The following TGM4 variants were observed in gnomAD, a reference collection of about 807,000 sequenced individuals.
TGM4 encodes the protein transglutaminase 4, also known as protein-glutamine gamma-glutamyltransferase 4.
In TGM4, 61 loss-of-function variants were observed where a neutral mutation model predicts 76.3. That is an observed-to-expected ratio of 0.80 (90% CI 0.65 to 0.99). TGM4 has a LOEUF of 0.99. Ranked by LOEUF, TGM4 falls within the 50% of genes least tolerant of loss-of-function variation. The pLI is 0.00. For missense variants in TGM4, 794 were observed against 843.2 expected (o/e 0.94, Z 0.72); for synonymous variants, 337 against 329.8 (o/e 1.02, Z -0.24).
At chr3:44,875,498 A>G (rs559703795) in intron 1 of TGM4, among the ~76,000 whole-genome samples, 1 of 152,236 alleles carries the variant, frequency 6.6e-6, no homozygotes, top group South Asian at 2.1e-4. Context: ...GTCATGTGCC[A>G]GGCTCTGTGT....
chr3:44,881,001 T>C (rs1461104511), intron 1 of TGM4, among the ~76,000 whole-genome samples: 3 of 152,122 alleles, frequency 2.0e-5, no homozygotes, highest in African/African-American at 7.2e-5. Context: ...GAGGATCGCT[T>C]GAATTCAGGA....
chr3:44,893,830 C>T, intron 5 of TGM4, 135 bp downstream of exon 5: 1 of 836,622 alleles, frequency 1.2e-6, no homozygotes, highest in East Asian at 2.4e-5. Flanking sequence ...ACATGTAAAA[C>T]TTGGCCATAG....
chr3:44,903,965 A>C lies in TGM4; in HGVS notation c.1053A>C (p.Ala351=). 1 of 1,614,086 alleles carries C rather than the reference A, an allele frequency of 6.2e-7. No individual in the cohort carries two copies. Among genetic ancestry groups the C allele is most frequent in the Non-Finnish European group, 8.5e-7 (1 of 1,180,030 alleles). Residue 351 remains alanine (A), a synonymous_variant, in exon 9 of 14, where the codon GCA becomes GCC. Coordinates refer to ENST00000296125, the MANE Select transcript of TGM4 (RefSeq NM_003241.4). ...ACGACGGCTGGCAGGCTGTGGACGC[A>C]ACGCCGCAGGAGCGAAGCCAGGGTG... ...KGYDGWQAVD[A]TPQERSQGVF... is the part of the protein sequence containing the mutation.
intron 8 of TGM4, chr3:44,903,669 C>CGGGG (rs1330174692): frequency 4.1e-4 from 233 of 573,118 alleles, no homozygotes; most frequent in Non-Finnish European, 5.9e-4. Flanking sequence ...GCCCTGCCCC[C>CGGGG]TGCACACAAC....
At chr3:44,912,568 C>T (rs929065957) in intron 13 of TGM4, among the ~76,000 whole-genome samples, 3 of 152,128 alleles carry the variant, frequency 2.0e-5, no homozygotes, top group Admixed American at 2.0e-4. Context: ...ATCCCCACCC[C>T]ACCCCCATTT....
Position 44,913,861 on chromosome 3 carries a change from C to G in TGM4, c.*136C>G, listed in dbSNP as rs1700043549. The stretch of plus-strand genomic sequence containing the variant: ...AGAGCCAGCAGGTCAAAAAGGCCAA[C>G]ACAACCATAAGCAGCCAGACCCACA... On this transcript the variant is annotated 3_prime_UTR_variant, in exon 14 of 14. Coordinates refer to ENST00000296125, the MANE Select transcript of TGM4 (RefSeq NM_003241.4). 1.7e-5 allele frequency: 21 copies of G among 1,267,444 alleles called. No individual in the cohort carries two copies. Among genetic ancestry groups the G allele is most frequent in the Middle Eastern group, 2.7e-4 (1 of 3,638 alleles). 78.5% of individuals were successfully genotyped at this position (1,267,444 alleles called of 1,614,324 possible).
chr3:44,888,547 C>G (rs893976207), intron 3 of TGM4: 2 of 152,246 alleles, frequency 1.3e-5, no homozygotes, highest in Non-Finnish European at 2.9e-5. Context: ...CCCAGACTCT[C>G]AACCCCAATT....
chr3:44,906,662 G>T (rs949428716), intron 9 of TGM4, among the ~76,000 whole-genome samples: 2 of 152,174 alleles, frequency 1.3e-5, no homozygotes, highest in African/African-American at 4.8e-5. Flanking sequence ...CCCAGATTGT[G>T]TGTCTCTGTG....
chr3:44,902,099 C>T (rs1699863046), intron 8 of TGM4, among the ~76,000 whole-genome samples, 168 bp downstream of exon 8: 2 of 152,170 alleles, frequency 1.3e-5, no homozygotes, highest in Non-Finnish European at 2.9e-5. Flanking sequence ...GTGCAAGCCA[C>T]CATGCGTGGC....
At chr3:44,887,279 G>A (rs887775174) in intron 2 of TGM4, among the ~76,000 whole-genome samples, 6 of 152,214 alleles carry the variant, frequency 3.9e-5, no homozygotes, top group African/African-American at 1.4e-4. Flanking sequence ...GGTAGGCGGT[G>A]GCATCTGCCT....
intron 4 of TGM4, 59 bp downstream of exon 4, chr3:44,890,791 G>A (rs538183536): frequency 1.7e-4 from 269 of 1,595,664 alleles, no homozygotes; most frequent in Non-Finnish European, 2.1e-4. Context: ...AACCTGCTAT[G>A]TGCAATGCAT....
chr3:44,885,806 C>T (rs1041810401), intron 2 of TGM4, among the ~76,000 whole-genome samples: 1 of 152,118 alleles, frequency 6.6e-6, no homozygotes, highest in Non-Finnish European at 1.5e-5. Context: ...AGAGATGAAT[C>T]ATAGGACTGA....
chr3:44,908,811 A>G (rs1296532053), intron 10 of TGM4, among the ~76,000 whole-genome samples: 1 of 152,084 alleles, frequency 6.6e-6, no homozygotes, highest in African/African-American at 2.4e-5. Context: ...GGGCTTCCTT[A>G]GGGACAGTTT....
At chr3:44,894,643 C>T (rs9836448) in intron 5 of TGM4, among the ~76,000 whole-genome samples, 9 of 151,298 alleles carry the variant, frequency 5.9e-5, no homozygotes, top group African/African-American at 1.7e-4. Context: ...TGCTTCCCAC[C>T]TCCCCTCCCC....
At position 44,913,733 on chromosome 3, in the gene TGM4, T is replaced by A. The variant is rs188948711; in HGVS notation, c.*8T>A. On this transcript the variant is annotated 3_prime_UTR_variant, in exon 14 of 14. Coordinates refer to ENST00000296125, the MANE Select transcript of TGM4 (RefSeq NM_003241.4). ...GTTCTCATCACCAAGTAGCCTTGTCTGATGCTGTGGAGCCTTAGTTGAGAT... is the reference window on the plus strand; with the variant it reads ...GTTCTCATCACCAAGTAGCCTTGTCAGATGCTGTGGAGCCTTAGTTGAGAT... The A allele has an allele frequency of 6.2e-7, 1 of 1,611,174 alleles. No homozygotes were observed. Among genetic ancestry groups the A allele is most frequent in the Admixed American group, 1.7e-5 (1 of 59,390 alleles).
At position 44,901,541 on chromosome 3, in the gene TGM4, C is replaced by T. The variant is rs1408380077; in HGVS notation, c.675C>T (p.Gly225=). 1.2e-6 allele frequency: 2 copies of T among 1,610,550 alleles called. No homozygotes were observed. Among genetic ancestry groups the T allele is most frequent in the Non-Finnish European group, 1.7e-6 (2 of 1,177,652 alleles). The change falls in exon 7 of 14, where the codon GGC becomes GGT. Residue 225 remains glycine, a synonymous_variant. Transcript: ENST00000296125. ...AMCAMMSFEK[G]QGVLIGNWTG... The stretch of plus-strand genomic sequence containing the variant: ...TGTGGCAGATGAGCTTTGAGAAAGG[C>T]CAGGGCGTGCTCATTGGGAATTGGA...
chr3:44,880,940 G>A (rs938485606), intron 1 of TGM4, among the ~76,000 whole-genome samples: 3 of 152,070 alleles, frequency 2.0e-5, no homozygotes, highest in African/African-American at 4.8e-5. Flanking sequence ...ATGGTAGTTC[G>A]GGTGTGGTGG....
chr3:44,913,184 C>G (rs1013949875), intron 13 of TGM4, among the ~76,000 whole-genome samples: 1 of 152,222 alleles, frequency 6.6e-6, no homozygotes, highest in Non-Finnish European at 1.5e-5. Flanking sequence ...AGCCCCAGAA[C>G]ACACTTTGAG....
chr3:44,904,119 T>A, intron 9 of TGM4, 132 bp downstream of exon 9: 1 of 721,904 alleles, frequency 1.4e-6, no homozygotes, highest in Admixed American at 2.4e-5. Context: ...ACAAAAAGCA[T>A]GCTCAGTCCT....
Sources: gnomAD v4.1 joint callset for allele counts (sites outside exome capture counted in the v4.1 genomes callset) on GRCh38, gnomAD v4.1.1 for gene constraint, MANE v1.5 for transcripts, NCBI Gene and HGNC (gene_info 2026-07-23, HGNC 2026-07-21) for gene names.